The following TLX2 variants were observed in gnomAD, a reference collection of about 807,000 sequenced individuals.
TLX2 encodes the protein T cell leukemia homeobox 2, also known as T-cell leukemia homeobox protein 2.
Under a neutral mutation model 21.7 loss-of-function variants are expected in TLX2, and 15 were observed. The ratio of observed to expected loss-of-function variants is 0.69; its 90% CI spans 0.46 to 1.07. The LOEUF is 1.07. TLX2 is among the 50% of genes least tolerant of loss of function. The pLI is 0.00. For missense variants in TLX2, 384 were observed against 409.1 expected, an observed-to-expected ratio of 0.94 and a Z score of 0.53; for synonymous variants, 213 against 193.1, an observed-to-expected ratio of 1.10 and a Z score of -0.85.
chr2:74,514,456 T>C lies in TLX2; in HGVS notation c.-351T>C. The stretch of plus-strand genomic sequence containing the variant: ...CCACCCGGGCCGATCCGTCAGTCAC[T>C]GCCCCAGCCGGAGCTGGCCAACCCT... On this transcript the variant is annotated 5_prime_UTR_variant, in exon 1 of 3. Transcript: ENST00000233638. The surrounding 1 kb of genome is among the most constrained non-coding windows in gnomAD (Gnocchi z 5.0). The C allele has an allele frequency of 8.8e-7, 1 of 1,138,822 alleles. No individual in the cohort carries two copies. The highest frequency in any genetic ancestry group is 1.1e-6 in the Non-Finnish European group (1 of 914,390). 70.5% of individuals were successfully genotyped at this position (1,138,822 alleles called of 1,614,324 possible).
In TLX2 at chr2:74,515,515, T is replaced by G; in HGVS notation, c.401-118T>G. 1 of 1,164,350 alleles carries G rather than the reference T, an allele frequency of 8.6e-7. No individual in the cohort carries two copies. Among genetic ancestry groups the G allele is most frequent in the Non-Finnish European group, 1.2e-6 (1 of 819,110 alleles). 72.1% of individuals were successfully genotyped at this position (1,164,350 alleles called of 1,614,324 possible). Reference sequence around the variant, plus strand: ...TTGGCTATAGGGCTCGGCTGATGCTTAGGGCCCGGGTAAGGACAGGGCGCG... The same window carrying G: ...TTGGCTATAGGGCTCGGCTGATGCTGAGGGCCCGGGTAAGGACAGGGCGCG... On this transcript the variant is annotated intron_variant, in intron 1 of 2. Coordinates refer to ENST00000233638, the MANE Select transcript of TLX2 (RefSeq NM_016170.5). This position sits in a 1 kb window ranked among gnomAD's most constrained non-coding sequence, Gnocchi z 6.6.
In TLX2 at chr2:74,516,235, G is replaced by T; in HGVS notation, c.*46G>T. On this transcript the variant is annotated 3_prime_UTR_variant, in exon 3 of 3. Transcript: ENST00000233638. ...GTGGAGCGCCGGGCCCGGAGCGGTG[G>T]AGCGCGCGGCTGCCTGCGTCCATGG... The T allele has an allele frequency of 6.3e-7, 1 of 1,580,596 alleles. No homozygotes were observed. Among genetic ancestry groups the T allele is most frequent in the South Asian group, 1.1e-5 (1 of 88,234 alleles).
Position 74,515,170 on chromosome 2 carries a change from G to C in TLX2, c.364G>C (p.Asp122His). 1.9e-6 allele frequency: 3 copies of C among 1,541,396 alleles called. No homozygotes were observed. Among genetic ancestry groups the C allele is most frequent in the Non-Finnish European group, 2.6e-6 (3 of 1,147,356 alleles). Residue 122 changes from aspartate (D) to histidine (H), a missense_variant, in exon 1 of 3, where the codon GAC (aspartate) becomes CAC (histidine). Coordinates refer to ENST00000233638, the MANE Select transcript of TLX2 (RefSeq NM_016170.5). The surrounding 1 kb of genome is among the most constrained non-coding windows in gnomAD (Gnocchi z 6.6). ...AGCGGGACTCACCTTCCCCTGGATG[G>C]ACAGCGGCCGCCGCTTTGCCAAGGA... is the stretch of plus-strand genomic sequence containing the variant. ...GLAGLTFPWMDSGRRFAKDRL... is the reference protein window; with the variant it reads ...GLAGLTFPWMHSGRRFAKDRL...
At position 74,514,775 on chromosome 2, in the gene TLX2, G is replaced by A. The variant is rs1418678425; in HGVS notation, c.-32G>A. The A allele has an allele frequency of 6.2e-7, 1 of 1,611,406 alleles. No homozygotes were observed. The highest frequency in any genetic ancestry group is 8.5e-7 in the Non-Finnish European group (1 of 1,179,246). Reference sequence around the variant, plus strand: ...GCCTGAGGCATCCTCCCCAACCACCGAACCTCCGGCGGTTCTCCTCGGCCC... The same window carrying A: ...GCCTGAGGCATCCTCCCCAACCACCAAACCTCCGGCGGTTCTCCTCGGCCC... On this transcript the variant is annotated 5_prime_UTR_variant, in exon 1 of 3. Transcript: ENST00000233638. The surrounding 1 kb of genome is among the most constrained non-coding windows in gnomAD (Gnocchi z 5.0).
At position 74,516,406 on chromosome 2, in the gene TLX2, G is replaced by T; in HGVS notation, c.*217G>T. On this transcript the variant is annotated 3_prime_UTR_variant, in exon 3 of 3. Transcript: ENST00000233638. ...CTTTCCCGCCATTTTTCACTTCACTGCCGTTACGCCCTCGCTGGAACCTGA... is the reference window on the plus strand; with the variant it reads ...CTTTCCCGCCATTTTTCACTTCACTTCCGTTACGCCCTCGCTGGAACCTGA... 6.9e-7 allele frequency: 1 copy of T among 1,446,084 alleles called. No individual in the cohort carries two copies. Among genetic ancestry groups the T allele is most frequent in the Non-Finnish European group, 9.1e-7 (1 of 1,100,218 alleles). 89.6% of individuals were successfully genotyped at this position (1,446,084 alleles called of 1,614,324 possible). A position where few individuals can be genotyped will look rare whatever the true frequency, so the allele number is the denominator to read the frequency against.
In TLX2 at chr2:74,515,120, C is replaced by G; in HGVS notation, c.314C>G (p.Ser105Trp). The G allele has an allele frequency of 6.5e-7, 1 of 1,539,520 alleles. No homozygotes were observed. Among genetic ancestry groups the G allele is most frequent in the Non-Finnish European group, 8.7e-7 (1 of 1,144,902 alleles). ...AGGAPAVPGP[S>W]GLGGAGGLAG... is the part of the protein sequence containing the mutation. ...GGGGCGCCTGCAGTGCCTGGGCCCT[C>G]GGGTTTGGGCGGCGCCGGAGGCCTA... The change falls in exon 1 of 3, where the codon TCG becomes TGG. Residue 105 changes from serine to tryptophan, a missense_variant. Ser to Trp is a radical substitution (Grantham distance 177, BLOSUM62 -3). Coordinates refer to ENST00000233638, the MANE Select transcript of TLX2 (RefSeq NM_016170.5). This position sits in a 1 kb window ranked among gnomAD's most constrained non-coding sequence, Gnocchi z 6.6.
Position 74,515,683 on chromosome 2 carries a change from A to C in TLX2, c.451A>C (p.Asn151His). ...GTRRIGHPYQ[N>H]RTPPKRKKPR... Reference sequence around the variant, plus strand: ...GCGCCGCATAGGCCACCCCTACCAAAACCGGACCCCTCCGAAGCGGAAGAA... The same window carrying C: ...GCGCCGCATAGGCCACCCCTACCAACACCGGACCCCTCCGAAGCGGAAGAA... Residue 151 changes from asparagine to histidine, a missense_variant, in exon 2 of 3, where the codon AAC becomes CAC. Coordinates refer to ENST00000233638, the MANE Select transcript of TLX2 (RefSeq NM_016170.5). The surrounding 1 kb of genome is among the most constrained non-coding windows in gnomAD (Gnocchi z 6.6). 1.9e-6 allele frequency: 3 copies of C among 1,613,620 alleles called. No homozygotes were observed. The highest frequency in any genetic ancestry group is 2.5e-6 in the Non-Finnish European group (3 of 1,179,882).
chr2:74,515,239 C>G lies in TLX2; in HGVS notation c.400+33C>G. On this transcript the variant is annotated intron_variant, in intron 1 of 2. Transcript: ENST00000233638. The surrounding 1 kb of genome is among the most constrained non-coding windows in gnomAD (Gnocchi z 6.6). ...TGTCTGACCCCTCCAGCGTCACGCC[C>G]GACTCTGACCCCGTCTCCTCATTTC... The G allele has an allele frequency of 1.3e-6, 2 of 1,536,460 alleles. No homozygotes were observed. Among genetic ancestry groups the G allele is most frequent in the Non-Finnish European group, 1.7e-6 (2 of 1,146,952 alleles).
Position 74,514,720 on chromosome 2 carries a change from G to C in TLX2, c.-87G>C, listed in dbSNP as rs1212892370. 6.3e-7 allele frequency: 1 copy of C among 1,580,244 alleles called. No individual in the cohort carries two copies. Among genetic ancestry groups the C allele is most frequent in the Non-Finnish European group, 8.6e-7 (1 of 1,164,508 alleles). ...CCGCGGGCCCCTGAGGCCACTCTCC[G>C]GAGCGCGCCGCCGCTGGGCTTCTGG... On this transcript the variant is annotated 5_prime_UTR_variant, in exon 1 of 3. Transcript: ENST00000233638. This position sits in a 1 kb window ranked among gnomAD's most constrained non-coding sequence, Gnocchi z 5.0.
In TLX2 at chr2:74,516,163, G is replaced by C. The variant is rs1485329089; in HGVS notation, c.829G>C (p.Val277Leu). 6.2e-7 allele frequency: 1 copy of C among 1,610,782 alleles called. No homozygotes were observed. Among genetic ancestry groups the C allele is most frequent in the East Asian group, 2.2e-5 (1 of 44,806 alleles). ...PWAEDNKVAS[V>L]SGLASVV The stretch of plus-strand genomic sequence containing the variant: ...GGCCGAGGACAACAAAGTGGCTTCA[G>C]TGTCCGGGCTCGCCTCGGTGGTGTG... The change falls in exon 3 of 3, where the codon GTG (valine) becomes CTG (leucine). Residue 277 changes from valine (V) to leucine (L), a missense_variant. Transcript: ENST00000233638.
At position 74,515,948 on chromosome 2, in the gene TLX2, C is replaced by G. The variant is rs779625556; in HGVS notation, c.639-25C>G. 6.7e-7 allele frequency: 1 copy of G among 1,483,270 alleles called. No individual in the cohort carries two copies. The highest frequency in any genetic ancestry group is 2.4e-5 in the Admixed American group (1 of 40,942). The allele number at this position is 1,483,270 out of a possible 1,614,324, so 91.9% of individuals were successfully genotyped here. On this transcript the variant is annotated intron_variant, in intron 2 of 2. Coordinates refer to ENST00000233638, the MANE Select transcript of TLX2 (RefSeq NM_016170.5). This position sits in a 1 kb window ranked among gnomAD's most constrained non-coding sequence, Gnocchi z 6.6. ...GAGAAGCGACGCGGCGGGCGCCCCG[C>G]TGACCCCGCGTCTCCCTCCCTTAGG...
At position 74,514,780 on chromosome 2, in the gene TLX2, T is replaced by G. The variant is rs1258717153; in HGVS notation, c.-27T>G. 6.2e-7 allele frequency: 1 copy of G among 1,611,466 alleles called. No homozygotes were observed. Among genetic ancestry groups the G allele is most frequent in the East Asian group, 2.2e-5 (1 of 44,772 alleles). ...AGGCATCCTCCCCAACCACCGAACC[T>G]CCGGCGGTTCTCCTCGGCCCAGACC... On this transcript the variant is annotated 5_prime_UTR_variant, in exon 1 of 3. Transcript: ENST00000233638. The surrounding 1 kb of genome is among the most constrained non-coding windows in gnomAD (Gnocchi z 5.0).
In TLX2 at chr2:74,514,687, G is replaced by A. The variant is rs1205927276; in HGVS notation, c.-120G>A. On this transcript the variant is annotated 5_prime_UTR_variant, in exon 1 of 3. Transcript: ENST00000233638. This position sits in a 1 kb window ranked among gnomAD's most constrained non-coding sequence, Gnocchi z 5.0. The stretch of plus-strand genomic sequence containing the variant: ...TTCGGGGACCCCGGCGCCCTGCCTT[G>A]GCCAGCCCCGCGGGCCCCTGAGGCC... The A allele has an allele frequency of 2.0e-6, 3 of 1,537,998 alleles. No individual in the cohort carries two copies. Among genetic ancestry groups the A allele is most frequent in the East Asian group, 2.5e-5 (1 of 40,128 alleles).
chr2:74,514,605 C>G lies in TLX2; in HGVS notation c.-202C>G. ...CCCGGGATGCAAGTCCCTGCGCTGACGCCCGGCAGCGGCTGGCACGGGCGC... is the reference window on the plus strand; with the variant it reads ...CCCGGGATGCAAGTCCCTGCGCTGAGGCCCGGCAGCGGCTGGCACGGGCGC... On this transcript the variant is annotated 5_prime_UTR_variant, in exon 1 of 3. Transcript: ENST00000233638. This position sits in a 1 kb window ranked among gnomAD's most constrained non-coding sequence, Gnocchi z 5.0. The G allele has an allele frequency of 7.1e-7, 1 of 1,413,776 alleles. No individual in the cohort carries two copies. 87.6% of individuals were successfully genotyped at this position (1,413,776 alleles called of 1,614,324 possible).
rs778866064 is a variant in TLX2 at position 74,515,613 on chromosome 2, G to A, written c.401-20G>A. The stretch of plus-strand genomic sequence containing the variant: ...GGGCCACCCTGCAAATCCTGCCCTG[G>A]TCTTTCTTCCTCCCGGTAGCTGCGC... On this transcript the variant is annotated intron_variant, in intron 1 of 2. Coordinates refer to ENST00000233638, the MANE Select transcript of TLX2 (RefSeq NM_016170.5). This position sits in a 1 kb window ranked among gnomAD's most constrained non-coding sequence, Gnocchi z 6.6. The A allele has an allele frequency of 3.1e-5, 50 of 1,598,954 alleles. No homozygotes were observed. The East Asian group carries it at 1.0e-3, about 33-fold the overall frequency.
chr2:74,514,989 TC>T lies in TLX2; in HGVS notation c.186del (p.Ala63ProfsTer18). The T allele has an allele frequency of 6.5e-7, 1 of 1,545,202 alleles. No individual in the cohort carries two copies. Among genetic ancestry groups the T allele is most frequent in the Non-Finnish European group, 8.7e-7 (1 of 1,146,954 alleles). On this transcript the variant is annotated frameshift_variant, in exon 1 of 3. Transcript: ENST00000233638. LOFTEE classifies it high-confidence loss of function. The surrounding 1 kb of genome is among the most constrained non-coding windows in gnomAD (Gnocchi z 5.0). Reference sequence around the variant, plus strand: ...GATACCACGGAGCCTCGGGCTACGGTCCCGCCGGCTCACTTGCCCCGCTGCC... The same window carrying T: ...GATACCACGGAGCCTCGGGCTACGGTCCGCCGGCTCACTTGCCCCGCTGCC... Reference protein sequence around the residue: ...GGYHGASGYGPAGSLAPLPGS... With the variant: ...GGYHGASGYGXAGSLAPLPGS...
Position 74,514,614 on chromosome 2 carries a change from G to A in TLX2, c.-193G>A. On this transcript the variant is annotated 5_prime_UTR_variant, in exon 1 of 3. Coordinates refer to ENST00000233638, the MANE Select transcript of TLX2 (RefSeq NM_016170.5). This position sits in a 1 kb window ranked among gnomAD's most constrained non-coding sequence, Gnocchi z 5.0. ...CAAGTCCCTGCGCTGACGCCCGGCA[G>A]CGGCTGGCACGGGCGCGGCTGCTCC... The A allele has an allele frequency of 7.1e-7, 1 of 1,416,556 alleles. No homozygotes were observed. Among genetic ancestry groups the A allele is most frequent in the Middle Eastern group, 2.6e-4 (1 of 3,824 alleles). The allele number at this position is 1,416,556 out of a possible 1,614,324, so 87.7% of individuals were successfully genotyped here.
rs546569588 is a variant in TLX2, at chr2:74,514,747, G to A, written c.-60G>A. 1.4e-5 allele frequency: 23 copies of A among 1,604,944 alleles called. No individual in the cohort carries two copies. The East Asian group carries it at 5.0e-4, about 35-fold the overall frequency. On this transcript the variant is annotated 5_prime_UTR_variant, in exon 1 of 3. Coordinates refer to ENST00000233638, the MANE Select transcript of TLX2 (RefSeq NM_016170.5). The surrounding 1 kb of genome is among the most constrained non-coding windows in gnomAD (Gnocchi z 5.0). ...AGCGCGCCGCCGCTGGGCTTCTGGCGCTGCCTGAGGCATCCTCCCCAACCA... is the reference window on the plus strand; with the variant it reads ...AGCGCGCCGCCGCTGGGCTTCTGGCACTGCCTGAGGCATCCTCCCCAACCA...
Position 74,516,580 on chromosome 2 carries a change from G to A in TLX2, c.*391G>A, listed in dbSNP as rs1297103581. The A allele has an allele frequency of 1.2e-5, 13 of 1,120,580 alleles. No individual in the cohort carries two copies. The Admixed American group carries it at 1.8e-4, about 15-fold the overall frequency. 69.4% of individuals were successfully genotyped at this position (1,120,580 alleles called of 1,614,324 possible). On this transcript the variant is annotated 3_prime_UTR_variant, in exon 3 of 3. Transcript: ENST00000233638. The stretch of plus-strand genomic sequence containing the variant: ...GGCTCTGAGGGGCTCTAGCGGCGTT[G>A]CGCGCGGTGCCGGCTGGGTCTGTAC...
Sources: allele counts gnomAD v4.1 joint callset, GRCh38; gene constraint gnomAD v4.1.1; non-coding constraint Gnocchi (gnomAD v3.1); transcripts MANE v1.5; gene names NCBI Gene and HGNC (gene_info 2026-07-23, HGNC 2026-07-21).